ITPR2: variants seen among roughly 807,000 people sequenced by gnomAD.
The protein encoded by ITPR2 is inositol 1,4,5-trisphosphate-gated calcium channel ITPR2.
A neutral mutation model predicts 317.1 loss-of-function variants in ITPR2; 207 were observed. The ratio of observed to expected loss-of-function variants is 0.65; its 90% CI spans 0.58 to 0.73. The LOEUF (loss-of-function observed/expected upper bound fraction) is 0.73. ITPR2 is among the 30% of genes least tolerant of loss of function. The pLI is 0.00. For missense variants in ITPR2, 2,613 were observed against 3,284.0 expected, an observed-to-expected ratio of 0.80 and a Z score of 4.99; for synonymous variants, 1,156 against 1,149.1, an observed-to-expected ratio of 1.01 and a Z score of -0.12.
At chr12:26,343,328 A>G (rs1047143060) in intron 55 of ITPR2, among the ~76,000 whole-genome samples, 10 of 152,190 alleles carry the variant, frequency 6.6e-5, no homozygotes, top group African/African-American at 2.4e-4. Flanking sequence ...CGAAGGTAGA[A>G]CAACTTCAGG....
chr12:26,374,435 G>C (rs1376818206), intron 55 of ITPR2, among the ~76,000 whole-genome samples: 1 of 152,178 alleles, frequency 6.6e-6, no homozygotes, highest in Admixed American at 6.5e-5. Flanking sequence ...TGTATTTATT[G>C]AACATATGGA....
At chr12:26,792,863 A>C (rs1950367331) in intron 1 of ITPR2, among the ~76,000 whole-genome samples, 1 of 152,194 alleles carries the variant, frequency 6.6e-6, no homozygotes, top group Non-Finnish European at 1.5e-5. Context: ...GATATTTACC[A>C]GGAGTTCAAC....
chr12:26,522,828 C>T (rs771381803), intron 37 of ITPR2, among the ~76,000 whole-genome samples: 3 of 151,970 alleles, frequency 2.0e-5, no homozygotes, highest in African/African-American at 7.3e-5. Context: ...GAAAAAAAGC[C>T]ATGCTTCCAC....
chr12:26,702,671 C>T (rs914740493), intron 9 of ITPR2, among the ~76,000 whole-genome samples: 2 of 152,098 alleles, frequency 1.3e-5, no homozygotes, highest in Non-Finnish European at 2.9e-5. Context: ...AACTCCTGAC[C>T]TCAAGTGATC....
chr12:26,352,631 G>T lies in ITPR2; in HGVS notation c.7858-12303C>A, dbSNP rs114600841. ...ATACCACAGTAATGTCTGCCAAGGG[G>T]GCTTTGAAGTCAAAAACTGGGTGCT... is the stretch of plus-strand genomic sequence containing the variant. On this transcript the variant is annotated intron_variant, in intron 55 of 56. Transcript: ENST00000381340. 7.2e-3 allele frequency among the ~76,000 whole-genome samples: 1,101 copies of T among 152,302 alleles called. 15 individuals carry two copies. The highest frequency in any genetic ancestry group is 0.025 in the African/African-American group (1,056 of 41,560).
Position 26,486,284 on chromosome 12 carries a change from T to C in ITPR2, c.5631A>G (p.Ala1877=). ...CCATTTCTCTTCTGTATACACAATA[T>C]GCTTTGGATGTTGCTGAAGAAGCTT... The part of the protein sequence containing the change: ...LTEASSATSK[A]YCVYRREMDP... The change falls in exon 41 of 57, where the codon GCA becomes GCG. Residue 1877 remains alanine (A), a synonymous_variant. Coordinates refer to ENST00000381340, the MANE Select transcript of ITPR2 (RefSeq NM_002223.4). 4 of 1,614,020 alleles carry C rather than the reference T, an allele frequency of 2.5e-6. No homozygotes were observed. The highest frequency in any genetic ancestry group is 2.5e-6 in the Non-Finnish European group (3 of 1,179,844).
chr12:26,606,366 G>A (rs1410379539), intron 26 of ITPR2, among the ~76,000 whole-genome samples: 2 of 152,148 alleles, frequency 1.3e-5, no homozygotes, highest in Non-Finnish European at 2.9e-5. Flanking sequence ...TAGAATATGG[G>A]AAACAGCTTA....
intron 37 of ITPR2, among the ~76,000 whole-genome samples, chr12:26,516,290 A>G (rs10842746): frequency 0.017 from 850 of 49,404 alleles, 16 homozygotes; most frequent in South Asian, 0.04. Flanking sequence ...GGGAAGGGAA[A>G]GGAAAGGAAA....
At chr12:26,813,691 G>C (rs1950796343) in intron 1 of ITPR2, among the ~76,000 whole-genome samples, 1 of 152,066 alleles carries the variant, frequency 6.6e-6, no homozygotes, top group Admixed American at 6.6e-5. Flanking sequence ...GACCAGACCA[G>C]AGCTTTGAGG....
intron 10 of ITPR2, 119 bp downstream of exon 10, chr12:26,695,487 C>G: frequency 1.3e-6 from 1 of 784,198 alleles, no homozygotes; most frequent in South Asian, 1.5e-5. Context: ...ACCATAGGCT[C>G]TACTCAGAAA....
At chr12:26,579,334 T>C (rs916591828) in intron 33 of ITPR2, among the ~76,000 whole-genome samples, 4 of 152,198 alleles carry the variant, frequency 2.6e-5, no homozygotes, top group African/African-American at 9.6e-5. Context: ...CTGTAGAATA[T>C]TTGTGGACCA....
intron 34 of ITPR2, among the ~76,000 whole-genome samples, chr12:26,568,377 A>AT (rs1388744484): frequency 6.6e-6 from 1 of 152,004 alleles, no homozygotes; most frequent in African/African-American, 2.4e-5. Flanking sequence ...CTGCCTAGAG[A>AT]TAACAGTTCT....
intron 8 of ITPR2, among the ~76,000 whole-genome samples, chr12:26,712,508 T>C (rs1450409156): frequency 6.6e-6 from 1 of 152,202 alleles, no homozygotes; most frequent in Non-Finnish European, 1.5e-5. Flanking sequence ...TCACATCACA[T>C]TTCTTCCACA....
chr12:26,342,419 C>T (rs530138615), intron 55 of ITPR2, among the ~76,000 whole-genome samples: 3 of 145,934 alleles, frequency 2.1e-5, no homozygotes, highest in African/African-American at 7.6e-5. Context: ...GGTTTGTCTG[C>T]GTTCTCCAAA....
intron 53 of ITPR2, 79 bp from the exon 54 acceptor site, chr12:26,399,120 A>G: frequency 1.9e-6 from 2 of 1,040,354 alleles, no homozygotes; most frequent in Non-Finnish European, 2.6e-6. Context: ...TATATTCAAT[A>G]AATGTTTGTG....
chr12:26,381,115 G>A (rs77171752), intron 55 of ITPR2, among the ~76,000 whole-genome samples: 1,756 of 152,280 alleles, frequency 0.012, 28 homozygotes, highest in African/African-American at 0.04. Context: ...GGAGAGACAC[G>A]ATGAGAGAGG....
At chr12:26,404,535 C>A (rs1030402490) in intron 52 of ITPR2, among the ~76,000 whole-genome samples, 8 of 151,958 alleles carry the variant, frequency 5.3e-5, no homozygotes, top group African/African-American at 1.9e-4. Flanking sequence ...CTGGATTAAA[C>A]AATAGGGTCA....
intron 30 of ITPR2, among the ~76,000 whole-genome samples, chr12:26,598,801 C>T (rs1945917294): frequency 6.6e-6 from 1 of 152,168 alleles, no homozygotes; most frequent in Non-Finnish European, 1.5e-5. Context: ...TGGAAAAGCA[C>T]AGTTTAATCT....
chr12:26,735,612 T>A (rs979546331), intron 2 of ITPR2, among the ~76,000 whole-genome samples: 1 of 152,258 alleles, frequency 6.6e-6, no homozygotes, highest in Non-Finnish European at 1.5e-5. Flanking sequence ...CACACACATA[T>A]GCACATGTGG....
Sources: gnomAD v4.1 joint callset for allele counts (sites outside exome capture counted in the v4.1 genomes callset) on GRCh38, gnomAD v4.1.1 for gene constraint, MANE v1.5 for transcripts, NCBI Gene and HGNC (gene_info 2026-07-23, HGNC 2026-07-21) for gene names.